The following CEP112 variants were observed in gnomAD, a reference collection of about 807,000 sequenced individuals.
CEP112 encodes the protein centrosomal protein 112, also known as centrosomal protein of 112 kDa.
Under a neutral mutation model 153.0 loss-of-function variants are expected in CEP112, and 127 were observed. The ratio of observed to expected loss-of-function variants is 0.83; its 90% confidence interval spans 0.72 to 0.96. The LOEUF (loss-of-function observed/expected upper bound fraction) is 0.96, where lower values mean the gene tolerates loss of function less well. CEP112 is among the 40% of genes least tolerant of loss of function. The probability of loss-of-function intolerance (pLI) is 0.00; values close to 1 mark genes in which losing one functional copy is unlikely to be tolerated. For synonymous variants in CEP112, 358 were observed against 374.4 expected, an observed-to-expected ratio of 0.96 and a Z score of 0.51; for missense variants, 1,089 against 1,101.2, an observed-to-expected ratio of 0.99 and a Z score of 0.16.
intron 24 of CEP112, among the ~76,000 whole-genome samples, chr17:65,641,505 G>A (rs1181980966): frequency 6.6e-6 from 1 of 152,190 alleles, no homozygotes; most frequent in Non-Finnish European, 1.5e-5. Flanking sequence ...GCTCACGCCT[G>A]TAGTCCCAGC....
rs993973883 is a variant in CEP112 at position 65,970,780 on chromosome 17, T to C, written c.1737-9182A>G. Among the ~76,000 whole-genome samples the C allele has an allele frequency of 6.5e-5, 3 of 46,260 alleles. No homozygotes were observed. In the East Asian group the frequency reaches 0.023, roughly 361 times the overall value. 30.3% of individuals were successfully genotyped at this position (46,260 alleles called of 152,430 possible). On this transcript the variant is annotated intron_variant, in intron 17 of 26. Transcript: ENST00000535342. ...ACAGGTATGTTACATGTTACATGCA[T>C]GCATAAAATGTATATTGCACATGTG...
rs191040812 is a variant in CEP112, at chr17:66,032,755, A to G, written c.1219-2732T>C. ...AATCAGAGGAAAAATAGAAATAGACATGCAGATGCCCCATATATTGAAATT... is the reference window on the plus strand; with the variant it reads ...AATCAGAGGAAAAATAGAAATAGACGTGCAGATGCCCCATATATTGAAATT... On this transcript the variant is annotated intron_variant, in intron 12 of 26. Transcript: ENST00000535342. Among the ~76,000 whole-genome samples, 29 of 152,330 alleles carry G rather than the reference A, an allele frequency of 1.9e-4. No homozygotes were observed. In the East Asian group the frequency reaches 5.6e-3, roughly 29 times the overall value.
intron 18 of CEP112, among the ~76,000 whole-genome samples, chr17:65,946,928 G>A (rs574614809): frequency 6.6e-6 from 1 of 152,014 alleles, no homozygotes; most frequent in South Asian, 2.1e-4. Flanking sequence ...TTATTCTTGG[G>A]TAAGTGATGC....
intron 17 of CEP112, among the ~76,000 whole-genome samples, chr17:66,000,492 TAAA>T (rs74269525): frequency 2.1e-5 from 3 of 139,834 alleles, no homozygotes. Context: ...GTCAGTAGAT[TAAA>T]AAAAAAAAAA....
chr17:66,076,888 G>T (rs2067520894), intron 8 of CEP112, among the ~76,000 whole-genome samples: 1 of 152,190 alleles, frequency 6.6e-6, no homozygotes, highest in Non-Finnish European at 1.5e-5. Flanking sequence ...ACTCTGTGCA[G>T]ACAACCCCCA....
intron 21 of CEP112, among the ~76,000 whole-genome samples, chr17:65,816,587 T>A (rs1009721448): frequency 1.3e-5 from 2 of 152,052 alleles, no homozygotes; most frequent in Non-Finnish European, 2.9e-5. Flanking sequence ...AGTCTTAATA[T>A]AGTGAATTAC....
At chr17:65,734,886 C>T (rs2050711267) in intron 23 of CEP112, among the ~76,000 whole-genome samples, 1 of 152,190 alleles carries the variant, frequency 6.6e-6, no homozygotes, top group Non-Finnish European at 1.5e-5. Flanking sequence ...GTGAGCTTTT[C>T]ATACTATTAC....
chr17:66,042,571 T>G (rs1341811458), intron 12 of CEP112, among the ~76,000 whole-genome samples: 1 of 151,850 alleles, frequency 6.6e-6, no homozygotes, highest in Non-Finnish European at 1.5e-5. Context: ...GTCTGAGAAA[T>G]TATCACAACC....
intron 19 of CEP112, among the ~76,000 whole-genome samples, chr17:65,919,484 T>C (rs1013336938): frequency 3.9e-5 from 6 of 152,002 alleles, no homozygotes; most frequent in Non-Finnish European, 7.4e-5. Context: ...AATAGAAAAA[T>C]ATTCACACTT....
At chr17:65,673,508 T>C (rs2047083415) in intron 24 of CEP112, among the ~76,000 whole-genome samples, 1 of 152,182 alleles carries the variant, frequency 6.6e-6, no homozygotes, top group Non-Finnish European at 1.5e-5. Context: ...TGCAATGCAA[T>C]GTGCATAGTC....
At chr17:65,888,288 T>C (rs2059352581) in intron 20 of CEP112, among the ~76,000 whole-genome samples, 1 of 152,220 alleles carries the variant, frequency 6.6e-6, no homozygotes, top group Admixed American at 6.5e-5. Context: ...CAATCAGTCT[T>C]CTGGCTTGGG....
chr17:66,110,393 G>C (rs1307817386), intron 6 of CEP112, among the ~76,000 whole-genome samples: 2 of 151,228 alleles, frequency 1.3e-5, no homozygotes, highest in African/African-American at 4.9e-5. Context: ...TAGTAATGTA[G>C]ACAAACCAAT....
At chr17:66,167,461 G>A (rs1034994) in intron 4 of CEP112, among the ~76,000 whole-genome samples, 101,794 of 151,546 alleles carry the variant, frequency 0.67, 35,889 homozygotes, top group Non-Finnish European at 0.78. Flanking sequence ...CTCCATTTAC[G>A]AGTGATGAAA....
intron 19 of CEP112, among the ~76,000 whole-genome samples, chr17:65,908,304 T>C (rs1333787195): frequency 6.6e-6 from 1 of 152,170 alleles, no homozygotes; most frequent in Non-Finnish European, 1.5e-5. Flanking sequence ...ATGATAGTCC[T>C]TTGAGAAGCT....
chr17:65,757,382 C>G (rs1174188713), intron 21 of CEP112, among the ~76,000 whole-genome samples: 1 of 152,084 alleles, frequency 6.6e-6, no homozygotes, highest in Non-Finnish European at 1.5e-5. Context: ...GATTCATCAG[C>G]TGAGCATGAG....
chr17:65,710,460 T>G (rs1050087002), intron 23 of CEP112, among the ~76,000 whole-genome samples: 1 of 152,200 alleles, frequency 6.6e-6, no homozygotes, highest in Admixed American at 6.5e-5. Flanking sequence ...AGGGATTTGG[T>G]GAGGTATGAG....
At chr17:65,729,898 G>T (rs2050400258) in intron 23 of CEP112, among the ~76,000 whole-genome samples, 1 of 148,588 alleles carries the variant, frequency 6.7e-6, no homozygotes, top group Non-Finnish European at 1.5e-5. Flanking sequence ...GGGCCACATA[G>T]CGAGATCCTG....
chr17:65,653,947 T>C (rs1194665479), intron 24 of CEP112, among the ~76,000 whole-genome samples: 2 of 150,232 alleles, frequency 1.3e-5, no homozygotes, highest in Non-Finnish European at 3.0e-5. Flanking sequence ...TAGTCCCAGC[T>C]GCTTGGGAGG....
At chr17:65,902,491 T>C (rs1244787942) in intron 19 of CEP112, among the ~76,000 whole-genome samples, 157 bp from the exon 20 acceptor site, 1 of 152,134 alleles carries the variant, frequency 6.6e-6, no homozygotes, top group East Asian at 1.9e-4. Context: ...TTTGTTGGGG[T>C]GGTGGTTATG....
Sources: gnomAD v4.1 joint callset for allele counts (sites outside exome capture counted in the v4.1 genomes callset) on GRCh38, gnomAD v4.1.1 for gene constraint, MANE v1.5 for transcripts, NCBI Gene and HGNC (gene_info 2026-07-23, HGNC 2026-07-21) for gene names.